The following NXPH1 variants were observed in gnomAD, a reference collection of about 807,000 sequenced individuals.
NXPH1 encodes the protein neurexophilin-1.
In NXPH1, 5 loss-of-function variants were observed where a neutral mutation model predicts 23.7. That is an observed-to-expected ratio of 0.21 (90% CI 0.11 to 0.44). The LOEUF (loss-of-function observed/expected upper bound fraction) is 0.44. Among genes scored for constraint, NXPH1 ranks in the 20% least tolerant of loss-of-function variants. The pLI, the probability that NXPH1 is intolerant of heterozygous loss-of-function variation, is 0.99. For synonymous variants in NXPH1, 144 were observed against 122.2 expected (o/e 1.18, Z -1.18); for missense variants, 324 against 321.6 (o/e 1.01, Z -0.06).
chr7:8,655,842 CAT>C (rs1171532654), intron 2 of NXPH1, among the ~76,000 whole-genome samples: 1 of 152,198 alleles, frequency 6.6e-6, no homozygotes, highest in Non-Finnish European at 1.5e-5. Context: ...AGGTCCCTTT[CAT>C]ATATCAACTC....
At chr7:8,622,028 G>A (rs188772947) in intron 2 of NXPH1, among the ~76,000 whole-genome samples, 18 of 152,224 alleles carry the variant, frequency 1.2e-4, no homozygotes, top group Admixed American at 1.2e-3. Flanking sequence ...ACATTTCGGT[G>A]AGTATTGGTA....
Position 8,434,792 on chromosome 7 carries a change from C to A in NXPH1, c.-111+37C>A. 6.5e-6 allele frequency: 1 copy of A among 152,836 alleles called. No homozygotes were observed. Among genetic ancestry groups the A allele is most frequent in the Non-Finnish European group, 1.5e-5 (1 of 68,186 alleles). The allele number at this position is 152,836 out of a possible 1,614,324, so 9.5% of individuals were successfully genotyped here. On this transcript the variant is annotated intron_variant, in intron 1 of 2. Transcript: ENST00000405863. This position sits in a 1 kb window ranked among gnomAD's most constrained non-coding sequence, Gnocchi z 7.6. ...TTGCCTCCGCTGTTCCCGGAGGGTA[C>A]ACCTGGGAGCGGGGTGGTGGGCACG...
intron 2 of NXPH1, among the ~76,000 whole-genome samples, chr7:8,641,227 C>T (rs1009864570): frequency 1.3e-5 from 2 of 152,080 alleles, no homozygotes; most frequent in Non-Finnish European, 2.9e-5. Flanking sequence ...GCTATCATCC[C>T]TACCAAGTAT....
At chr7:8,624,288 G>A (rs748051859) in intron 2 of NXPH1, among the ~76,000 whole-genome samples, 1 of 152,090 alleles carries the variant, frequency 6.6e-6, no homozygotes, top group African/African-American at 2.4e-5. Context: ...GAATGTACTT[G>A]TTTTCAGATG....
chr7:8,642,212 C>T (rs1820328127), intron 2 of NXPH1, among the ~76,000 whole-genome samples: 1 of 152,178 alleles, frequency 6.6e-6, no homozygotes, highest in South Asian at 2.1e-4. Context: ...CTTATTCTTG[C>T]ATCATACTTG....
chr7:8,447,134 T>A (rs530203518), intron 2 of NXPH1, among the ~76,000 whole-genome samples: 122 of 152,372 alleles, frequency 8.0e-4, no homozygotes, highest in African/African-American at 2.8e-3. Flanking sequence ...AGTTTAATTC[T>A]AAAGCCTGTT....
intron 2 of NXPH1, among the ~76,000 whole-genome samples, chr7:8,555,441 A>C (rs576337394): frequency 2.0e-5 from 3 of 151,812 alleles, no homozygotes; most frequent in Non-Finnish European, 4.4e-5. Context: ...GATGACACAG[A>C]CTGCTGAGTA....
intron 2 of NXPH1, among the ~76,000 whole-genome samples, chr7:8,684,333 T>C (rs1348030613): frequency 6.6e-6 from 1 of 152,208 alleles, no homozygotes; most frequent in African/African-American, 2.4e-5. Context: ...TGACATGGTA[T>C]CCTGGCCTTG....
At chr7:8,465,222 G>A (rs1407763462) in intron 2 of NXPH1, among the ~76,000 whole-genome samples, 3 of 152,178 alleles carry the variant, frequency 2.0e-5, no homozygotes, top group African/African-American at 7.2e-5. Context: ...AAATCCAGCT[G>A]AAACCCCCAG....
intron 2 of NXPH1, among the ~76,000 whole-genome samples, chr7:8,452,915 G>T (rs960646758): frequency 1.3e-5 from 2 of 152,080 alleles, no homozygotes; most frequent in Admixed American, 1.3e-4. Flanking sequence ...AATGCAGATT[G>T]CTACTTCTGA....
intron 2 of NXPH1, among the ~76,000 whole-genome samples, chr7:8,725,096 A>G (rs777503115): frequency 6.6e-6 from 1 of 152,214 alleles, no homozygotes. Flanking sequence ...CTTAGGGAAG[A>G]GCTTTTTAAA....
At chr7:8,602,203 T>A (rs1819376777) in intron 2 of NXPH1, among the ~76,000 whole-genome samples, 1 of 152,186 alleles carries the variant, frequency 6.6e-6, no homozygotes, top group African/African-American at 2.4e-5. Context: ...TGTTATATGC[T>A]TTTTTAGTTA....
At chr7:8,704,799 G>C (rs1470294592) in intron 2 of NXPH1, among the ~76,000 whole-genome samples, 3 of 151,718 alleles carry the variant, frequency 2.0e-5, no homozygotes, top group African/African-American at 7.3e-5. Context: ...AACTTGACTT[G>C]CATCACCACA....
chr7:8,613,345 G>C (rs1204899305), intron 2 of NXPH1, among the ~76,000 whole-genome samples: 1 of 151,962 alleles, frequency 6.6e-6, no homozygotes, highest in Non-Finnish European at 1.5e-5. Flanking sequence ...TTTCAACAAA[G>C]AGAATCTCTA....
intron 2 of NXPH1, among the ~76,000 whole-genome samples, chr7:8,626,070 C>G (rs1362301438): frequency 6.6e-6 from 1 of 151,646 alleles, no homozygotes; most frequent in Non-Finnish European, 1.5e-5. Context: ...GTTATTTTTT[C>G]TCATATGTTG....
chr7:8,466,652 C>T (rs1816790884), intron 2 of NXPH1, among the ~76,000 whole-genome samples: 1 of 152,074 alleles, frequency 6.6e-6, no homozygotes, highest in South Asian at 2.1e-4. Flanking sequence ...GGGGAAAATC[C>T]TTTCATCTGA....
chr7:8,550,434 G>C (rs193029721), intron 2 of NXPH1, among the ~76,000 whole-genome samples: 182 of 151,686 alleles, frequency 1.2e-3, no homozygotes, highest in Non-Finnish European at 2.1e-3. Flanking sequence ...CACTGTTATA[G>C]AGTGAGCCTG....
intron 2 of NXPH1, among the ~76,000 whole-genome samples, chr7:8,746,054 G>T (rs975936925): frequency 3.3e-5 from 5 of 152,158 alleles, no homozygotes; most frequent in African/African-American, 1.2e-4. Context: ...CTTAATTGAT[G>T]CCTCCAGTAG....
intron 2 of NXPH1, among the ~76,000 whole-genome samples, chr7:8,667,457 G>C (rs548654834): frequency 2.5e-3 from 213 of 86,920 alleles, no homozygotes; most frequent in African/African-American, 7.6e-3. Flanking sequence ...ATTCTTGGTT[G>C]ACAGTTTTTT....
Sources: gnomAD v4.1 joint callset for allele counts (sites outside exome capture counted in the v4.1 genomes callset) on GRCh38, gnomAD v4.1.1 for gene constraint, Gnocchi (gnomAD v3.1) non-coding constraint, MANE v1.5 for transcripts, NCBI Gene and HGNC (gene_info 2026-07-23, HGNC 2026-07-21) for gene names.